Variants in ZNF804A observed in about 807,000 individuals in gnomAD.
ZNF804A encodes the protein zinc finger protein 804A.
In ZNF804A, 2 loss-of-function variants were observed where a neutral mutation model predicts 16.5. That is an observed-to-expected ratio of 0.12 (90% CI 0.05 to 0.38). ZNF804A has a LOEUF of 0.38. Among genes scored for constraint, ZNF804A ranks in the 10% least tolerant of loss-of-function variants. ZNF804A has a pLI of 0.99. For missense variants in ZNF804A, 1,473 were observed against 1,390.7 expected (o/e 1.06, Z -0.94); for synonymous variants, 534 against 489.6 (o/e 1.09, Z -1.20).
intron 1 of ZNF804A, among the ~76,000 whole-genome samples, chr2:184,828,947 C>T (rs1341718571): frequency 6.6e-6 from 1 of 151,736 alleles, no homozygotes; most frequent in East Asian, 1.9e-4. Flanking sequence ...TGTATACATC[C>T]TAATACTTAG....
Position 184,879,136 on chromosome 2 carries a change from G to C in ZNF804A, c.255+12624G>C, listed in dbSNP as rs1422693356. On this transcript the variant is annotated intron_variant, in intron 2 of 3. Coordinates refer to ENST00000302277, the MANE Select transcript of ZNF804A (RefSeq NM_194250.2). ...CAAAGAAAACAAGATATATTTGTGT[G>C]TGTTGTGTGTGTGAGAGAGAGAGAG... Among the ~76,000 whole-genome samples, 9 of 149,704 alleles carry C rather than the reference G, an allele frequency of 6.0e-5. No homozygotes were observed. In the South Asian group the frequency reaches 1.2e-3, roughly 21 times the overall value.
chr2:184,712,101 G>A, intron 1 of ZNF804A, among the ~76,000 whole-genome samples: 1 of 151,638 alleles, frequency 6.6e-6, no homozygotes, highest in South Asian at 2.1e-4. Context: ...CACAAACATG[G>A]GATGTCTTTT....
In ZNF804A at chr2:184,938,739, G is replaced by A. The variant is rs151203071; in HGVS notation, c.3343G>A (p.Ala1115Thr). 37 of 1,608,276 alleles carry A rather than the reference G, an allele frequency of 2.3e-5. No homozygotes were observed. Among genetic ancestry groups the A allele is most frequent in the Non-Finnish European group, 3.0e-5 (35 of 1,177,532 alleles). Reference sequence around the variant, plus strand: ...CGCTGCAGCTGCTGCAGCTGCAGCTGCAGCCGCAGCTGCAGGAACCTTTAA... The same window carrying A: ...CGCTGCAGCTGCTGCAGCTGCAGCTACAGCCGCAGCTGCAGGAACCTTTAA... ...QHAAAAAAAA[A>T]AAAAGTFKVL... Residue 1115 changes from alanine (A) to threonine (T), a missense_variant, in exon 4 of 4, where the codon GCA becomes ACA. Physicochemically the swap from Ala to Thr is moderately conservative, Grantham distance 58. Coordinates refer to ENST00000302277, the MANE Select transcript of ZNF804A (RefSeq NM_194250.2).
At chr2:184,703,837 T>A (rs1284310166) in intron 1 of ZNF804A, among the ~76,000 whole-genome samples, 3 of 152,034 alleles carry the variant, frequency 2.0e-5, no homozygotes, top group Non-Finnish European at 4.4e-5. Context: ...AAAGTGAAAT[T>A]TATAATAGTG....
intron 1 of ZNF804A, among the ~76,000 whole-genome samples, chr2:184,625,394 A>G (rs1691479548): frequency 6.6e-6 from 1 of 152,156 alleles, no homozygotes; most frequent in African/African-American, 2.4e-5. Context: ...TAACATTATT[A>G]TATAAGTATA....
At chr2:184,690,271 ATATT>A (rs1692707831) in intron 1 of ZNF804A, among the ~76,000 whole-genome samples, 1 of 151,946 alleles carries the variant, frequency 6.6e-6, no homozygotes, top group South Asian at 2.1e-4. Flanking sequence ...AGACTGTTGT[ATATT>A]TGGTGTATTA....
intron 2 of ZNF804A, among the ~76,000 whole-genome samples, chr2:184,904,300 G>T (rs576952518): frequency 2.6e-5 from 4 of 151,996 alleles, no homozygotes; most frequent in African/African-American, 9.6e-5. Flanking sequence ...TATTAATTTT[G>T]CATGTTACAG....
chr2:184,819,702 A>C (rs971494295), intron 1 of ZNF804A, among the ~76,000 whole-genome samples: 6 of 151,966 alleles, frequency 3.9e-5, no homozygotes, highest in African/African-American at 1.4e-4. Flanking sequence ...AGAGGGAAGA[A>C]TCAAATGACA....
intron 2 of ZNF804A, 30 bp downstream of exon 2, chr2:184,866,542 A>C (rs1162526670): frequency 1.3e-6 from 2 of 1,583,974 alleles, no homozygotes; most frequent in African/African-American, 2.7e-5. Context: ...AAATTCTGGC[A>C]TTTCTGGACT....
At chr2:184,748,374 A>G (rs1693826269) in intron 1 of ZNF804A, among the ~76,000 whole-genome samples, 1 of 151,026 alleles carries the variant, frequency 6.6e-6, no homozygotes, top group African/African-American at 2.4e-5. Context: ...TTCTCTGATG[A>G]TTAGTGATGT....
Position 184,870,584 on chromosome 2 carries a change from C to G in ZNF804A, c.255+4072C>G, listed in dbSNP as rs1574249842. 3.9e-5 allele frequency among the ~76,000 whole-genome samples: 6 copies of G among 152,002 alleles called. No individual in the cohort carries two copies. In the South Asian group the frequency reaches 1.2e-3, roughly 32 times the overall value. ...TAATTAGTGCTATTGTTAACTCTTC[C>G]ATGTGCCATTCAAGTCGTTCACTGT... On this transcript the variant is annotated intron_variant, in intron 2 of 3. Coordinates refer to ENST00000302277, the MANE Select transcript of ZNF804A (RefSeq NM_194250.2).
In ZNF804A at chr2:184,937,355, T is replaced by C; in HGVS notation, c.1959T>C (p.His653=). 1 of 1,613,710 alleles carries C rather than the reference T, an allele frequency of 6.2e-7. No homozygotes were observed. Reference sequence around the variant, plus strand: ...CTGCAGAGCAATTATTAGACTCACATCAGTTACTTGATAAAAGGCCCAAAT... The same window carrying C: ...CTGCAGAGCAATTATTAGACTCACACCAGTTACTTGATAAAAGGCCCAAAT... ...YLAAEQLLDS[H]QLLDKRPKSE... The change falls in exon 4 of 4, where the codon CAT becomes CAC. Residue 653 remains histidine, a synonymous_variant. Coordinates refer to ENST00000302277, the MANE Select transcript of ZNF804A (RefSeq NM_194250.2).
At chr2:184,807,320 T>G (rs2105785151) in intron 1 of ZNF804A, among the ~76,000 whole-genome samples, 1 of 151,966 alleles carries the variant, frequency 6.6e-6, no homozygotes, top group Admixed American at 6.5e-5. Flanking sequence ...ATGCACCAAA[T>G]TTAGCAACCT....
At chr2:184,623,345 C>T (rs756345666) in intron 1 of ZNF804A, among the ~76,000 whole-genome samples, 15 of 151,928 alleles carry the variant, frequency 9.9e-5, no homozygotes, top group Non-Finnish European at 1.6e-4. Flanking sequence ...AACAAACTCT[C>T]AAATATAAAA....
chr2:184,628,572 CAAAATT>C (rs1472825745), intron 1 of ZNF804A, among the ~76,000 whole-genome samples: 2 of 151,954 alleles, frequency 1.3e-5, no homozygotes, highest in African/African-American at 2.4e-5. Context: ...AATTCTTACT[CAAAATT>C]AAATATTTTT....
intron 1 of ZNF804A, among the ~76,000 whole-genome samples, chr2:184,853,829 A>T (rs1340747706): frequency 6.6e-6 from 1 of 151,344 alleles, no homozygotes; most frequent in Admixed American, 6.6e-5. Context: ...TCCACCAAAA[A>T]AAATTGATAT....
chr2:184,670,606 T>G (rs534175381), intron 1 of ZNF804A, among the ~76,000 whole-genome samples: 1 of 152,278 alleles, frequency 6.6e-6, no homozygotes, highest in East Asian at 1.9e-4. Context: ...TATGAAGATT[T>G]AACATTTTCA....
chr2:184,628,345 G>A (rs1410586484), intron 1 of ZNF804A, among the ~76,000 whole-genome samples: 1 of 151,722 alleles, frequency 6.6e-6, no homozygotes. Flanking sequence ...AAGGTGTAAA[G>A]AACAAAATTT....
rs774780722 is a variant in ZNF804A, at chr2:184,866,378, G to C, written c.121G>C (p.Glu41Gln). 1 of 1,613,162 alleles carries C rather than the reference G, an allele frequency of 6.2e-7. No individual in the cohort carries two copies. The highest frequency in any genetic ancestry group is 2.2e-5 in the East Asian group (1 of 44,678). Residue 41 changes from glutamate (E) to glutamine (Q), a missense_variant, in exon 2 of 4, where the codon GAG becomes CAG. Glu to Gln is a conservative substitution (Grantham distance 29). Transcript: ENST00000302277. ...AAATTTTATTTTTCAGGACTATGCTGAGAAGGAAAATACCATAGCAAAAGC... is the reference window on the plus strand; with the variant it reads ...AAATTTTATTTTTCAGGACTATGCTCAGAAGGAAAATACCATAGCAAAAGC... ...KNGNKTLDYA[E>Q]KENTIAKALE...
Sources: gnomAD v4.1 joint callset for allele counts (sites outside exome capture counted in the v4.1 genomes callset) on GRCh38, gnomAD v4.1.1 for gene constraint, MANE v1.5 for transcripts, NCBI Gene and HGNC (gene_info 2026-07-23, HGNC 2026-07-21) for gene names.